EEPD1: variants seen among roughly 807,000 people sequenced by gnomAD.
EEPD1 encodes endonuclease/exonuclease/phosphatase family domain containing 1.
A neutral mutation model predicts 46.3 loss-of-function variants in EEPD1; 17 were observed. The ratio of observed to expected loss-of-function variants is 0.37; its 90% CI spans 0.25 to 0.55. The LOEUF (loss-of-function observed/expected upper bound fraction) is 0.55, where lower values mean the gene tolerates loss of function less well. Among genes scored for constraint, EEPD1 ranks in the 20% least tolerant of loss-of-function variants. The pLI, the probability that EEPD1 is intolerant of heterozygous loss-of-function variation, is 0.83. For missense variants in EEPD1, 673 were observed against 745.6 expected, an observed-to-expected ratio of 0.90 and a Z score of 1.13; for synonymous variants, 313 against 315.6, an observed-to-expected ratio of 0.99 and a Z score of 0.09.
In EEPD1 at chr7:36,154,673, G is replaced by A. The variant is rs1219868192; in HGVS notation, c.349G>A (p.Asp117Asn). ...AQHSPSSLRR[D>N]LLAEQQPHHL... ...GCACTCTCCCAGTTCCCTGCGGCGG[G>A]ACCTGCTAGCGGAGCAGCAGCCTCA... Residue 117 changes from aspartate to asparagine, a missense_variant, in exon 2 of 8, where the codon GAC becomes AAC. By Grantham distance (23) the Asp-to-Asn change is conservative. Transcript: ENST00000242108. The surrounding 1 kb of genome is among the most constrained non-coding windows in gnomAD (Gnocchi z 4.2). 1.9e-6 allele frequency: 3 copies of A among 1,613,538 alleles called. No individual in the cohort carries two copies. The Admixed American group carries it at 5.0e-5, about 27-fold the overall frequency.
intron 4 of EEPD1, among the ~76,000 whole-genome samples, chr7:36,283,165 C>G (rs1052956503): frequency 6.6e-6 from 1 of 152,172 alleles, no homozygotes; most frequent in Admixed American, 6.5e-5. Flanking sequence ...CGGACCTGAG[C>G]CCAGTTCACT....
intron 3 of EEPD1, among the ~76,000 whole-genome samples, chr7:36,253,197 C>T (rs1786777393): frequency 6.6e-6 from 1 of 152,140 alleles, no homozygotes; most frequent in Non-Finnish European, 1.5e-5. Flanking sequence ...TGATTTCTCC[C>T]TTGACCCGTT....
Position 36,300,136 on chromosome 7 carries a change from A to G in EEPD1, c.*930A>G, listed in dbSNP as rs755413382. 6.6e-6 allele frequency: 1 copy of G among 152,292 alleles called. No homozygotes were observed. Among genetic ancestry groups the G allele is most frequent in the Non-Finnish European group, 1.5e-5 (1 of 68,090 alleles). 9.4% of individuals were successfully genotyped at this position (152,292 alleles called of 1,614,324 possible). On this transcript the variant is annotated 3_prime_UTR_variant, in exon 8 of 8. Coordinates refer to ENST00000242108, the MANE Select transcript of EEPD1 (RefSeq NM_030636.3). ...AGCCCGGAGCCTCCTGTGGTTGACT[A>G]TCAGGAATGTGTGCTGTGTCAGGAT...
chr7:36,215,471 A>G lies in EEPD1; in HGVS notation c.879-23514A>G, dbSNP rs551329980. Reference sequence around the variant, plus strand: ...TCCTCTTTGTAATGCAGATGCACAGATATCTAGAGGCCAACCAGATCCCCA... The same window carrying G: ...TCCTCTTTGTAATGCAGATGCACAGGTATCTAGAGGCCAACCAGATCCCCA... On this transcript the variant is annotated intron_variant, in intron 2 of 7. Coordinates refer to ENST00000242108, the MANE Select transcript of EEPD1 (RefSeq NM_030636.3). Among the ~76,000 whole-genome samples the G allele has an allele frequency of 2.6e-5, 4 of 152,338 alleles. No individual in the cohort carries two copies. The South Asian group carries it at 8.3e-4, about 32-fold the overall frequency.
At chr7:36,157,262 G>A (rs1305105248) in intron 2 of EEPD1, among the ~76,000 whole-genome samples, 1 of 152,092 alleles carries the variant, frequency 6.6e-6, no homozygotes, top group East Asian at 1.9e-4. Flanking sequence ...TTTCCCCTTT[G>A]ATTGTTTTGA....
At chr7:36,175,470 G>A (rs1032175370) in intron 2 of EEPD1, among the ~76,000 whole-genome samples, 2 of 151,888 alleles carry the variant, frequency 1.3e-5, no homozygotes, top group Non-Finnish European at 2.9e-5. Flanking sequence ...GGGTTCAAGC[G>A]ATCCTCCCAC....
At chr7:36,219,798 A>AGTGTGTGTGTGTGT (rs1443373734) in intron 2 of EEPD1, among the ~76,000 whole-genome samples, 1 of 76,962 alleles carries the variant, frequency 1.3e-5, no homozygotes, top group African/African-American at 3.8e-5. Context: ...AGAGAGAGAG[A>AGTGTGTGTGTGTGT]GAGAGAGAGT....
chr7:36,194,107 G>A (rs943875915), intron 2 of EEPD1, among the ~76,000 whole-genome samples: 3 of 152,156 alleles, frequency 2.0e-5, no homozygotes, highest in Non-Finnish European at 2.9e-5. Context: ...CATCTGAGAG[G>A]GACCTGCAGA....
At chr7:36,203,826 A>G (rs10951463) in intron 2 of EEPD1, among the ~76,000 whole-genome samples, 13,069 of 152,264 alleles carry the variant, frequency 0.086, 766 homozygotes, top group East Asian at 0.17. Context: ...AGAATCACCC[A>G]TAAATACTAC....
At chr7:36,261,277 A>G (rs113233577) in intron 3 of EEPD1, among the ~76,000 whole-genome samples, 1 of 152,188 alleles carries the variant, frequency 6.6e-6, no homozygotes, top group Non-Finnish European at 1.5e-5. Context: ...CAGTCCATTT[A>G]TTGGGTTGGA....
At chr7:36,260,599 TA>T (rs1329427211) in intron 3 of EEPD1, among the ~76,000 whole-genome samples, 2 of 152,252 alleles carry the variant, frequency 1.3e-5, no homozygotes, top group African/African-American at 4.8e-5. Flanking sequence ...TCTAAGGCAT[TA>T]TTTGCATAAA....
In EEPD1 at chr7:36,154,838, C is replaced by T. The variant is rs779252652; in HGVS notation, c.514C>T (p.Arg172Cys). Residue 172 changes from arginine (R) to cysteine (C), a missense_variant, in exon 2 of 8, where the codon CGC becomes TGC. Physicochemically the swap from Arg to Cys is radical, Grantham distance 180. Coordinates refer to ENST00000242108, the MANE Select transcript of EEPD1 (RefSeq NM_030636.3). This position sits in a 1 kb window ranked among gnomAD's most constrained non-coding sequence, Gnocchi z 4.2. ...VDFRREHGPF[R>C]SVEDLVRMDG... ...CTTCCGCCGTGAGCATGGGCCCTTT[C>T]GCAGCGTTGAGGACCTAGTGAGGAT... 8 of 1,614,218 alleles carry T rather than the reference C, an allele frequency of 5.0e-6. No homozygotes were observed. The highest frequency in any genetic ancestry group is 2.2e-5 in the East Asian group (1 of 44,888).
At chr7:36,290,529 A>G (rs1401372910) in intron 6 of EEPD1, among the ~76,000 whole-genome samples, 1 of 152,186 alleles carries the variant, frequency 6.6e-6, no homozygotes, top group East Asian at 1.9e-4. Context: ...CACAGCTTCT[A>G]TCAGAGCAAA....
At chr7:36,226,772 G>A (rs1306045707) in intron 2 of EEPD1, among the ~76,000 whole-genome samples, 1 of 152,092 alleles carries the variant, frequency 6.6e-6, no homozygotes, top group African/African-American at 2.4e-5. Context: ...AGACTACATA[G>A]ATAGTAACAA....
chr7:36,291,776 G>A (rs984414834), intron 6 of EEPD1, among the ~76,000 whole-genome samples: 4 of 152,200 alleles, frequency 2.6e-5, no homozygotes, highest in Non-Finnish European at 2.9e-5. Context: ...TTATGACTTC[G>A]TTTATGAACT....
intron 2 of EEPD1, among the ~76,000 whole-genome samples, chr7:36,172,564 T>G (rs1003851378): frequency 4.0e-5 from 6 of 151,688 alleles, no homozygotes; most frequent in Non-Finnish European, 5.9e-5. Flanking sequence ...CAGCCCAGGA[T>G]GGCTTTGAAC....
chr7:36,212,415 A>G (rs1237792088), intron 2 of EEPD1, among the ~76,000 whole-genome samples: 3 of 151,552 alleles, frequency 2.0e-5, no homozygotes, highest in Non-Finnish European at 4.4e-5. Context: ...ATATGCAAAG[A>G]TATTCATTAA....
chr7:36,167,872 G>A (rs1381770596), intron 2 of EEPD1, among the ~76,000 whole-genome samples: 2 of 152,124 alleles, frequency 1.3e-5, no homozygotes, highest in Middle Eastern at 3.4e-3. Context: ...GCGCCACCAC[G>A]CCTGGCTGAT....
chr7:36,282,248 C>G (rs147206165), intron 4 of EEPD1, among the ~76,000 whole-genome samples: 3 of 152,240 alleles, frequency 2.0e-5, no homozygotes, highest in Non-Finnish European at 4.4e-5. Flanking sequence ...TTTGATCGCA[C>G]TTTACATGTA....
Sources: allele counts gnomAD v4.1 joint callset (sites outside exome capture counted in the v4.1 genomes callset), GRCh38; gene constraint gnomAD v4.1.1; non-coding constraint Gnocchi (gnomAD v3.1); transcripts MANE v1.5; gene names NCBI Gene and HGNC (gene_info 2026-07-23, HGNC 2026-07-21).